Variants in TEX11 observed in about 807,000 individuals in gnomAD.
TEX11 encodes the protein testis expressed 11.
In TEX11, 7 loss-of-function variants were observed where a neutral mutation model predicts 84.4. That is an observed-to-expected ratio of 0.08 (90% CI 0.05 to 0.16). The LOEUF is 0.16. Among genes scored for constraint, TEX11 ranks in the 10% least tolerant of loss-of-function variants. The pLI is 1.00. For synonymous variants in TEX11, 264 were observed against 222.8 expected (o/e 1.18, Z -1.64); for missense variants, 551 against 660.5 (o/e 0.83, Z 1.82).
At chrX:70,877,291 TAAA>T (rs376479023) in intron 3 of TEX11, among the ~76,000 whole-genome samples, 1 of 98,395 alleles carries the variant, frequency 1.0e-5, no homozygotes. Context: ...GTGATTGTCT[TAAA>T]AAAAAAAAAC....
intron 16 of TEX11, among the ~76,000 whole-genome samples, chrX:70,655,103 C>G (rs2089851202): frequency 1.8e-5 from 2 of 109,426 alleles, no homozygotes; most frequent in Admixed American, 9.9e-5. Flanking sequence ...GTAGTATGGC[C>G]TAAAATATAT....
intron 16 of TEX11, among the ~76,000 whole-genome samples, chrX:70,654,869 A>C (rs2147613364): frequency 9.0e-6 from 1 of 110,788 alleles, no homozygotes; most frequent in African/African-American, 3.3e-5. Context: ...ATGTAACTAC[A>C]TGTTTTTTAG....
At chrX:70,828,374 T>C (rs2091358394) in intron 8 of TEX11, among the ~76,000 whole-genome samples, 1 of 110,328 alleles carries the variant, frequency 9.1e-6, no homozygotes, top group Non-Finnish European at 1.9e-5. Flanking sequence ...TTCTATCAGA[T>C]AAATTTAACA....
chrX:70,604,163 C>G (rs58983955), intron 24 of TEX11, among the ~76,000 whole-genome samples: 9,294 of 111,163 alleles, frequency 0.084, 855 homozygotes, highest in African/African-American at 0.27. Flanking sequence ...TCCCCCACAT[C>G]AATTTGATCT....
intron 5 of TEX11, among the ~76,000 whole-genome samples, chrX:70,856,248 AG>A (rs1301439526): frequency 3.6e-5 from 4 of 111,273 alleles, no homozygotes; most frequent in African/African-American, 1.3e-4. Flanking sequence ...ATGTTAAACG[AG>A]GGGGAAAAAA....
chrX:70,762,694 G>A (rs1384147143), intron 9 of TEX11, among the ~76,000 whole-genome samples: 1 of 111,145 alleles, frequency 9.0e-6, no homozygotes, highest in African/African-American at 3.3e-5. Flanking sequence ...TGTCTTCCAC[G>A]AAACTGGTCC....
intron 13 of TEX11, among the ~76,000 whole-genome samples, chrX:70,717,003 G>T (rs2090510884): frequency 8.9e-6 from 1 of 111,872 alleles, no homozygotes; most frequent in Non-Finnish European, 1.9e-5. Context: ...AACAAATTCA[G>T]AAAAATGATT....
intron 28 of TEX11, among the ~76,000 whole-genome samples, chrX:70,544,836 C>CAAAAAAA (rs140403649): frequency 7.6e-5 from 2 of 26,397 alleles, no homozygotes; most frequent in African/African-American, 2.2e-4. Context: ...GACTCCATCT[C>CAAAAAAA]AAAAAAAAAA....
At chrX:70,554,500 G>T in intron 26 of TEX11, 151 bp downstream of exon 26, 1 of 456,770 alleles carries the variant, frequency 2.2e-6, no homozygotes, top group Non-Finnish European at 3.6e-6. Context: ...ATACAAAATA[G>T]TCTAAGAATG....
chrX:70,560,050 C>T (rs1419950024), intron 25 of TEX11, among the ~76,000 whole-genome samples: 3 of 111,036 alleles, frequency 2.7e-5, no homozygotes, highest in Non-Finnish European at 3.8e-5. Flanking sequence ...GAGGGTGCAG[C>T]GGCTTCTCAA....
chrX:70,658,272 C>A, intron 16 of TEX11, among the ~76,000 whole-genome samples: 1 of 110,527 alleles, frequency 9.0e-6, no homozygotes, highest in East Asian at 2.8e-4. Context: ...CAAAAATTAG[C>A]CGGGCACGAT....
chrX:70,807,697 A>G (rs974302499), intron 8 of TEX11, among the ~76,000 whole-genome samples: 1 of 111,745 alleles, frequency 8.9e-6, no homozygotes, highest in East Asian at 2.8e-4. Flanking sequence ...TAAGTAATGT[A>G]TAAAGACCTG....
chrX:70,856,878 T>C (rs1165074395), intron 5 of TEX11, among the ~76,000 whole-genome samples: 8 of 110,513 alleles, frequency 7.2e-5, no homozygotes, highest in African/African-American at 2.6e-4. Context: ...GAAGAAAACA[T>C]GTAGTTTCAT....
chrX:70,851,520 T>C (rs1305664012), intron 7 of TEX11, among the ~76,000 whole-genome samples: 1 of 111,516 alleles, frequency 9.0e-6, no homozygotes, highest in Non-Finnish European at 1.9e-5. Context: ...GGAGCCCTCA[T>C]ATACTACTGG....
At chrX:70,582,777 A>G (rs2088796499) in intron 25 of TEX11, among the ~76,000 whole-genome samples, 1 of 89,283 alleles carries the variant, frequency 1.1e-5, no homozygotes, top group Non-Finnish European at 2.0e-5. Flanking sequence ...ATGGAATCTC[A>G]CTCTGTCTCC....
At chrX:70,560,891 C>T (rs1569325982) in intron 25 of TEX11, among the ~76,000 whole-genome samples, 2 of 76,496 alleles carry the variant, frequency 2.6e-5, no homozygotes, top group African/African-American at 1.2e-4. Context: ...GCCACCACAC[C>T]GGTTTTTTTT....
At chrX:70,794,244 C>G (rs745958872) in intron 9 of TEX11, among the ~76,000 whole-genome samples, 2 of 111,602 alleles carry the variant, frequency 1.8e-5, no homozygotes, top group South Asian at 7.6e-4. Flanking sequence ...TCAGTGCCGC[C>G]CTTTCACAGC....
chrX:70,768,333 C>A (rs2090953285), intron 9 of TEX11, among the ~76,000 whole-genome samples: 1 of 110,617 alleles, frequency 9.0e-6, no homozygotes, highest in Admixed American at 9.7e-5. Flanking sequence ...ATAGATGGAA[C>A]AACTAGACAG....
intron 4 of TEX11, among the ~76,000 whole-genome samples, chrX:70,864,490 C>T: frequency 9.1e-6 from 1 of 109,803 alleles, no homozygotes. Flanking sequence ...GTAATCCCAG[C>T]ACTTTGGGAG....
Sources: allele counts gnomAD v4.1 joint callset (sites outside exome capture counted in the v4.1 genomes callset), GRCh38; gene constraint gnomAD v4.1.1; transcripts MANE v1.5; gene names NCBI Gene and HGNC (gene_info 2026-07-23, HGNC 2026-07-21).